Variants in MID1 observed in about 807,000 individuals in gnomAD.
MID1 encodes midline 1.
In MID1, 7 loss-of-function variants were observed where a neutral mutation model predicts 40.4. The observed-to-expected ratio is 0.17, with a 90% CI of 0.10 to 0.33. MID1 has a LOEUF of 0.33. Ranked by LOEUF, MID1 falls within the 10% of genes least tolerant of loss-of-function variation. MID1 has a pLI of 1.00. For missense variants in MID1, 367 were observed against 558.5 expected (o/e 0.66, Z 3.46); for synonymous variants, 229 against 221.2 (o/e 1.04, Z -0.31).
At chrX:10,533,391 A>AAAAGAAAAGAAAGAAAG (rs1933092304) in intron 2 of MID1, among the ~76,000 whole-genome samples, 1 of 55,066 alleles carries the variant, frequency 1.8e-5, no homozygotes, top group African/African-American at 7.8e-5. Context: ...AGAAAGAAAG[A>AAAAGAAAAGAAAGAAAG]AAAGAAAGAA....
intron 1 of MID1, among the ~76,000 whole-genome samples, chrX:10,653,017 C>T (rs970353068): frequency 3.6e-5 from 4 of 111,740 alleles, no homozygotes; most frequent in African/African-American, 6.5e-5. Flanking sequence ...GTCCATCTCC[C>T]TCCATTAGAA....
intron 1 of MID1, among the ~76,000 whole-genome samples, chrX:10,736,961 T>C (rs1171672450): frequency 2.7e-5 from 3 of 112,022 alleles, no homozygotes; most frequent in Admixed American, 9.4e-5. Context: ...ACAATATAGA[T>C]TCACACATGT....
At chrX:10,580,953 A>C (rs976277012) in intron 1 of MID1, among the ~76,000 whole-genome samples, 2 of 109,062 alleles carry the variant, frequency 1.8e-5, no homozygotes, top group Admixed American at 9.8e-5. Flanking sequence ...AAAAAAAAAA[A>C]AAAAACATGT....
At chrX:10,473,932 C>G (rs973176954) in intron 6 of MID1, among the ~76,000 whole-genome samples, 2 of 111,652 alleles carry the variant, frequency 1.8e-5, no homozygotes, top group African/African-American at 6.5e-5. Context: ...TTAAGCTCAA[C>G]CAAGGGAGAA....
chrX:10,483,825 A>T lies in MID1; in HGVS notation c.865-1197T>A, dbSNP rs1053078425. ...TCAGAACTTGAGGCCTCTAAGGAAC[A>T]TCCAATTCCAAGTATGTACTATAAG... On this transcript the variant is annotated intron_variant, in intron 4 of 9. Transcript: ENST00000317552. 4.5e-5 allele frequency among the ~76,000 whole-genome samples: 5 copies of T among 112,234 alleles called. No individual in the cohort carries two copies. In the Admixed American group the frequency reaches 4.7e-4, roughly 11 times the overall value.
intron 4 of MID1, among the ~76,000 whole-genome samples, chrX:10,493,682 A>C (rs1388665386): frequency 8.9e-6 from 1 of 112,247 alleles, no homozygotes; most frequent in African/African-American, 3.2e-5. Flanking sequence ...TAAGCAAGTA[A>C]ATTTCAAATG....
At chrX:10,753,609 G>A (rs1222966916) in intron 1 of MID1, among the ~76,000 whole-genome samples, 1 of 110,460 alleles carries the variant, frequency 9.1e-6, no homozygotes, top group African/African-American at 3.3e-5. Flanking sequence ...AAATCTCACA[G>A]GATAAAAAGC....
intron 2 of MID1, among the ~76,000 whole-genome samples, chrX:10,540,484 G>A (rs1933425911): frequency 9.0e-6 from 1 of 111,710 alleles, no homozygotes; most frequent in Non-Finnish European, 1.9e-5. Flanking sequence ...AAAGCCTGAT[G>A]CATTGCTTCA....
At chrX:10,472,649 G>A (rs1965045713) in intron 6 of MID1, among the ~76,000 whole-genome samples, 1 of 112,147 alleles carries the variant, frequency 8.9e-6, no homozygotes, top group South Asian at 3.7e-4. Flanking sequence ...CGGGTCTTCT[G>A]ATCAAGCTTT....
chrX:10,809,161 A>T (rs1162966698), intron 1 of MID1, among the ~76,000 whole-genome samples: 2 of 112,265 alleles, frequency 1.8e-5, no homozygotes, highest in Non-Finnish European at 3.8e-5. Flanking sequence ...TATGCAGCCA[A>T]AAGACACATG....
intron 7 of MID1, among the ~76,000 whole-genome samples, chrX:10,463,260 T>C (rs949295503): frequency 8.9e-6 from 1 of 112,412 alleles, no homozygotes; most frequent in African/African-American, 3.2e-5. Flanking sequence ...TTTCGTAAGA[T>C]TGAAAAAGCT....
At chrX:10,815,128 A>G (rs1176728559) in intron 1 of MID1, among the ~76,000 whole-genome samples, 1 of 112,145 alleles carries the variant, frequency 8.9e-6, no homozygotes, top group Admixed American at 9.5e-5. Flanking sequence ...CCCTTTGCAC[A>G]TATTTTAAAA....
intron 2 of MID1, among the ~76,000 whole-genome samples, chrX:10,541,271 C>T (rs1933458431): frequency 8.9e-6 from 1 of 112,048 alleles, no homozygotes; most frequent in Non-Finnish European, 1.9e-5. Flanking sequence ...AATTAGCAGA[C>T]ACTTACTTAT....
chrX:10,627,506 G>A (rs979737977), intron 1 of MID1, among the ~76,000 whole-genome samples: 7 of 111,800 alleles, frequency 6.3e-5, no homozygotes, highest in African/African-American at 1.6e-4. Flanking sequence ...TAGAGTAATC[G>A]AAAACCACCT....
intron 1 of MID1, among the ~76,000 whole-genome samples, chrX:10,758,051 C>T (rs2043644964): frequency 2.7e-5 from 3 of 109,886 alleles, no homozygotes; most frequent in African/African-American, 1.0e-4. Context: ...GCAGCCTCCA[C>T]TTCCCAGGCT....
rs149495878 is a variant in MID1 at position 10,771,458 on chromosome X, G to A, written c.-187+62096C>T. Among the ~76,000 whole-genome samples, 494 of 108,778 alleles carry A rather than the reference G, an allele frequency of 4.5e-3. 4 individuals are homozygous for A. Among genetic ancestry groups the A allele is most frequent in the Non-Finnish European group, 4.6e-3 (242 of 52,456 alleles). 94.5% of individuals were successfully genotyped at this position (108,778 alleles called of 115,157 possible). A position where few individuals can be genotyped will look rare whatever the true frequency, so the allele number is the denominator to read the frequency against. Reference sequence around the variant, plus strand: ...CAATTTCTTCTGTTGCTGTCTGGATGGTTTTAAACGACGCTTTCTATTTTT... The same window carrying A: ...CAATTTCTTCTGTTGCTGTCTGGATAGTTTTAAACGACGCTTTCTATTTTT... On this transcript the variant is annotated intron_variant, in intron 1 of 10. Transcript: ENST00000380785.
intron 4 of MID1, among the ~76,000 whole-genome samples, chrX:10,489,990 C>T (rs189849124): frequency 1.5e-4 from 17 of 111,815 alleles, no homozygotes; most frequent in Middle Eastern, 4.6e-3. Context: ...CCACCGCACC[C>T]GGTCTATTTT....
At chrX:10,522,739 G>A (rs1932761005) in intron 3 of MID1, among the ~76,000 whole-genome samples, 1 of 111,324 alleles carries the variant, frequency 9.0e-6, no homozygotes, top group Non-Finnish European at 1.9e-5. Flanking sequence ...CTCGTGATCT[G>A]CCTGCCTCGG....
intron 1 of MID1, among the ~76,000 whole-genome samples, chrX:10,636,457 T>C (rs1410971648): frequency 9.1e-6 from 1 of 109,887 alleles, no homozygotes; most frequent in Non-Finnish European, 1.9e-5. Flanking sequence ...GGAAGGAAAA[T>C]TCAAAGCAAT....
Sources: gnomAD v4.1 joint callset for allele counts (sites outside exome capture counted in the v4.1 genomes callset) on GRCh38, gnomAD v4.1.1 for gene constraint, MANE v1.5 for transcripts, NCBI Gene and HGNC (gene_info 2026-07-23, HGNC 2026-07-21) for gene names.